SYT1: variants seen among roughly 807,000 people sequenced by gnomAD.
SYT1 encodes synaptotagmin-1.
A neutral mutation model predicts 44.8 loss-of-function variants in SYT1; 8 were observed. The ratio of observed to expected loss-of-function variants is 0.18; its 90% CI spans 0.10 to 0.32. The LOEUF is 0.32. Ranked by LOEUF, SYT1 falls within the 10% of genes least tolerant of loss-of-function variation. The probability of loss-of-function intolerance (pLI) is 1.00; values close to 1 mark genes in which losing one functional copy is unlikely to be tolerated. For missense variants in SYT1, 286 were observed against 509.3 expected, an observed-to-expected ratio of 0.56 and a Z score of 4.22; for synonymous variants, 154 against 188.8, an observed-to-expected ratio of 0.82 and a Z score of 1.51.
intron 2 of SYT1, among the ~76,000 whole-genome samples, chr12:79,003,321 C>T: frequency 6.6e-6 from 1 of 151,982 alleles, no homozygotes; most frequent in African/African-American, 2.4e-5. Flanking sequence ...CACATACACA[C>T]AAATTCCACT....
chr12:79,209,956 C>T (rs76253417), intron 3 of SYT1, among the ~76,000 whole-genome samples: 1,929 of 152,140 alleles, frequency 0.013, 20 homozygotes, highest in Non-Finnish European at 0.02. Context: ...AATATTTTTT[C>T]GACCTCCTCC....
chr12:79,090,024 C>T (rs1242313923), intron 3 of SYT1, among the ~76,000 whole-genome samples: 1 of 152,008 alleles, frequency 6.6e-6, no homozygotes, highest in Non-Finnish European at 1.5e-5. Flanking sequence ...TTTGTGTGGG[C>T]TAACACCCTA....
chr12:79,126,851 C>T (rs1220529043), intron 3 of SYT1, among the ~76,000 whole-genome samples: 1 of 152,154 alleles, frequency 6.6e-6, no homozygotes, highest in Non-Finnish European at 1.5e-5. Flanking sequence ...GAATTCTGTG[C>T]TTATTTGTCA....
intron 3 of SYT1, among the ~76,000 whole-genome samples, chr12:79,162,984 C>T (rs1446136225): frequency 6.6e-6 from 1 of 152,096 alleles, no homozygotes; most frequent in Non-Finnish European, 1.5e-5. Flanking sequence ...TCTCATCCAC[C>T]AAGGTGCACA....
chr12:79,293,893 G>A (rs1209858925), intron 6 of SYT1, among the ~76,000 whole-genome samples: 1 of 152,130 alleles, frequency 6.6e-6, no homozygotes, highest in East Asian at 1.9e-4. Flanking sequence ...AATTACATCT[G>A]ATATTTGTGG....
At chr12:79,413,964 A>AT (rs1344406817) in intron 9 of SYT1, among the ~76,000 whole-genome samples, 1 of 152,162 alleles carries the variant, frequency 6.6e-6, no homozygotes, top group African/African-American at 2.4e-5. Context: ...GCAAATATGC[A>AT]TTTTTTGTTT....
intron 1 of SYT1, among the ~76,000 whole-genome samples, chr12:78,929,819 T>G (rs569696824): frequency 7.4e-4 from 113 of 152,330 alleles, no homozygotes; most frequent in Middle Eastern, 6.8e-3. Context: ...ATACGTCTTC[T>G]GGTTTTGTAT....
intron 1 of SYT1, among the ~76,000 whole-genome samples, chr12:78,908,046 A>G (rs1028083178): frequency 2.6e-5 from 4 of 152,004 alleles, no homozygotes; most frequent in Admixed American, 2.6e-4. Context: ...GTTTTGCCTA[A>G]AGGTCAAAAT....
At chr12:79,056,524 A>G (rs1246950891) in intron 3 of SYT1, among the ~76,000 whole-genome samples, 1 of 152,058 alleles carries the variant, frequency 6.6e-6, no homozygotes, top group East Asian at 1.9e-4. Context: ...GAAGGGTAGC[A>G]AAAATGCTTT....
In SYT1 at chr12:79,324,574, G is replaced by A. The variant is rs372806303; in HGVS notation, c.810+25023G>A. Among the ~76,000 whole-genome samples, 21 of 152,294 alleles carry A rather than the reference G, an allele frequency of 1.4e-4. No homozygotes were observed. The East Asian group carries it at 3.9e-3, about 28-fold the overall frequency. On this transcript the variant is annotated intron_variant, in intron 8 of 10. Coordinates refer to ENST00000261205, the MANE Select transcript of SYT1 (RefSeq NM_005639.3). ...AAAAATTATCCAGCAGATTGTTCAAGAGAGGCATTTAATATTTGTCTTTAA... is the reference window on the plus strand; with the variant it reads ...AAAAATTATCCAGCAGATTGTTCAAAAGAGGCATTTAATATTTGTCTTTAA...
intron 9 of SYT1, among the ~76,000 whole-genome samples, chr12:79,366,048 T>C (rs767020785): frequency 3.3e-5 from 5 of 152,192 alleles, no homozygotes; most frequent in Non-Finnish European, 7.4e-5. Context: ...CTAGACTTTA[T>C]AAAAACAATT....
intron 8 of SYT1, among the ~76,000 whole-genome samples, chr12:79,346,404 A>G (rs114517703): frequency 0.011 from 1,653 of 152,256 alleles, 28 homozygotes; most frequent in African/African-American, 0.036. Flanking sequence ...GAGCAGGTAA[A>G]TTTCTCTGAA....
chr12:79,262,420 C>T (rs1191442044), intron 4 of SYT1, among the ~76,000 whole-genome samples: 1 of 151,238 alleles, frequency 6.6e-6, no homozygotes, highest in Non-Finnish European at 1.5e-5. Context: ...TTGGTGTGGA[C>T]TGAGATGAGG....
chr12:78,968,636 T>A lies in SYT1; in HGVS notation c.-216-9163T>A, dbSNP rs116758444. ...CTAAAAGGATCTCCACTGTATTCAT[T>A]AGTTCAACAAATGATTGTTGAACAC... On this transcript the variant is annotated intron_variant, in intron 1 of 10. Transcript: ENST00000261205. Among the ~76,000 whole-genome samples, 590 of 152,298 alleles carry A rather than the reference T, an allele frequency of 3.9e-3. 5 individuals are homozygous for A. Among genetic ancestry groups the A allele is most frequent in the African/African-American group, 0.014 (564 of 41,570 alleles).
At chr12:79,028,768 A>G (rs2137660797) in intron 2 of SYT1, among the ~76,000 whole-genome samples, 1 of 151,394 alleles carries the variant, frequency 6.6e-6, no homozygotes, top group Non-Finnish European at 1.5e-5. Flanking sequence ...AAACAATGAA[A>G]TGTATAAGTA....
chr12:79,431,512 T>A (rs71463819), intron 9 of SYT1, among the ~76,000 whole-genome samples: 7,610 of 49,098 alleles, frequency 0.15, 271 homozygotes, highest in Non-Finnish European at 0.25. Context: ...TATTTTATTT[T>A]ATTATTTATT....
At chr12:79,103,247 T>C (rs1407997330) in intron 3 of SYT1, among the ~76,000 whole-genome samples, 2 of 152,110 alleles carry the variant, frequency 1.3e-5, no homozygotes, top group Non-Finnish European at 2.9e-5. Flanking sequence ...GAAAATAATA[T>C]AAAAATCATC....
intron 3 of SYT1, among the ~76,000 whole-genome samples, chr12:79,213,492 C>T (rs974037272): frequency 1.7e-4 from 26 of 152,310 alleles, no homozygotes; most frequent in African/African-American, 5.5e-4. Flanking sequence ...TAATTATTAA[C>T]GAGAATAATA....
At chr12:79,051,568 C>T (rs921368010) in intron 3 of SYT1, among the ~76,000 whole-genome samples, 5 of 151,396 alleles carry the variant, frequency 3.3e-5, no homozygotes, top group Admixed American at 2.6e-4. Flanking sequence ...CAAGATTACA[C>T]AGTGAAAAAA....
Sources: gnomAD v4.1 joint callset for allele counts (sites outside exome capture counted in the v4.1 genomes callset) on GRCh38, gnomAD v4.1.1 for gene constraint, MANE v1.5 for transcripts, NCBI Gene and HGNC (gene_info 2026-07-23, HGNC 2026-07-21) for gene names.